The following EXOC6B variants were observed in gnomAD, a reference collection of about 807,000 sequenced individuals.
The protein encoded by EXOC6B is SEC15 homolog B.
Under a neutral mutation model 113.5 loss-of-function variants are expected in EXOC6B, and 54 were observed. That is an observed-to-expected ratio of 0.48 (90% CI 0.38 to 0.60). The LOEUF is 0.60. Ranked by LOEUF, EXOC6B falls within the 20% of genes least tolerant of loss-of-function variation. The pLI is 0.00. For synonymous variants in EXOC6B, 357 were observed against 339.0 expected (o/e 1.05, Z -0.58); for missense variants, 797 against 977.5 (o/e 0.82, Z 2.46).
In EXOC6B at chr2:72,480,548, A is replaced by G. The variant is rs572224204; in HGVS notation, c.1800+68T>C. The G allele has an allele frequency of 8.9e-6, 12 of 1,355,690 alleles. No individual in the cohort carries two copies. In the East Asian group the frequency reaches 3.2e-4, roughly 37 times the overall value. The allele number at this position is 1,355,690 out of a possible 1,614,324, so 84.0% of individuals were successfully genotyped here. A position where few individuals can be genotyped will look rare whatever the true frequency, so the allele number is the denominator to read the frequency against. ...TAAACCATCTTACAGAAACAAGGCC[A>G]TGTTAGGTAGAACGTCCCAGACTGT... On this transcript the variant is annotated intron_variant, in intron 17 of 21. Transcript: ENST00000272427.
intron 2 of EXOC6B, among the ~76,000 whole-genome samples, chr2:72,738,043 C>T (rs540264475): frequency 6.6e-6 from 1 of 151,922 alleles, no homozygotes; most frequent in Non-Finnish European, 1.5e-5. Context: ...TAAAACAAGT[C>T]TCATGTTCCC....
intron 19 of EXOC6B, among the ~76,000 whole-genome samples, chr2:72,376,559 T>C (rs1001514922): frequency 3.9e-5 from 6 of 152,162 alleles, no homozygotes; most frequent in African/African-American, 1.4e-4. Flanking sequence ...TTTGTATTTA[T>C]CTTGATAAAG....
At chr2:72,459,998 C>G (rs994555343) in intron 18 of EXOC6B, among the ~76,000 whole-genome samples, 1 of 152,074 alleles carries the variant, frequency 6.6e-6, no homozygotes, top group South Asian at 2.1e-4. Flanking sequence ...GTACTGGTAC[C>G]AAAACAGAGA....
chr2:72,579,205 T>C lies in EXOC6B; in HGVS notation c.670-3537A>G, dbSNP rs1705052373. 2.6e-5 allele frequency among the ~76,000 whole-genome samples: 4 copies of C among 152,278 alleles called. No individual in the cohort carries two copies. The South Asian group carries it at 8.3e-4, about 32-fold the overall frequency. The stretch of plus-strand genomic sequence containing the variant: ...GAAATAAGAATAACTACAAGTATTC[T>C]GGCCGTGATGACTAAACAGTGGGGC... On this transcript the variant is annotated intron_variant, in intron 6 of 21. Coordinates refer to ENST00000272427, the MANE Select transcript of EXOC6B (RefSeq NM_015189.3).
intron 18 of EXOC6B, among the ~76,000 whole-genome samples, chr2:72,425,663 G>C (rs1442469582): frequency 6.6e-6 from 1 of 151,948 alleles, no homozygotes; most frequent in East Asian, 1.9e-4. Flanking sequence ...AAGAATTCCA[G>C]TATTACATCC....
intron 7 of EXOC6B, among the ~76,000 whole-genome samples, chr2:72,574,660 A>G (rs1704723728): frequency 6.6e-6 from 1 of 152,220 alleles, no homozygotes. Flanking sequence ...GCCATTTTAA[A>G]AGTAAATGAT....
At position 72,825,868 on chromosome 2, in the gene EXOC6B, C is replaced by A; in HGVS notation, c.43G>T (p.Ala15Ser). 2 of 1,613,576 alleles carry A rather than the reference C, an allele frequency of 1.2e-6. No individual in the cohort carries two copies. Among genetic ancestry groups the A allele is most frequent in the Non-Finnish European group, 1.7e-6 (2 of 1,179,736 alleles). ...KMAEAESLET[A>S]AEHERILREI... ...CGCAGGATCCGCTCGTGCTCTGCCGCTGTCTCCAGGCTCTCCGCCTCCGCC... is the reference window on the plus strand; with the variant it reads ...CGCAGGATCCGCTCGTGCTCTGCCGATGTCTCCAGGCTCTCCGCCTCCGCC... Residue 15 changes from alanine (A) to serine (S), a missense_variant, in exon 1 of 22, where the codon GCG becomes TCG. Transcript: ENST00000272427. This position sits in a 1 kb window ranked among gnomAD's most constrained non-coding sequence, Gnocchi z 4.4.
intron 1 of EXOC6B, among the ~76,000 whole-genome samples, chr2:72,812,274 C>A (rs1235371269): frequency 1.3e-5 from 2 of 152,110 alleles, no homozygotes; most frequent in Non-Finnish European, 2.9e-5. Context: ...AATACAATAA[C>A]ATTTAAAATC....
At chr2:72,466,651 T>G (rs565842808) in intron 17 of EXOC6B, among the ~76,000 whole-genome samples, 1 of 152,274 alleles carries the variant, frequency 6.6e-6, no homozygotes, top group South Asian at 2.1e-4. Flanking sequence ...TTTATAAAAT[T>G]TGATTGATAA....
chr2:72,322,276 G>T (rs1348391030), intron 20 of EXOC6B, among the ~76,000 whole-genome samples: 1 of 152,090 alleles, frequency 6.6e-6, no homozygotes, highest in East Asian at 1.9e-4. Context: ...CAACACCATG[G>T]ATGAATCTCA....
chr2:72,222,925 G>A (rs1191523072), intron 20 of EXOC6B, among the ~76,000 whole-genome samples: 1 of 152,186 alleles, frequency 6.6e-6, no homozygotes, highest in Non-Finnish European at 1.5e-5. Flanking sequence ...GTACTTTTAT[G>A]TAAGGGTTTG....
At chr2:72,782,404 T>C (rs1265067536) in intron 1 of EXOC6B, among the ~76,000 whole-genome samples, 2 of 152,166 alleles carry the variant, frequency 1.3e-5, no homozygotes, top group Non-Finnish European at 2.9e-5. Context: ...ATTTTATTGA[T>C]ACAAAATTTA....
intron 16 of EXOC6B, among the ~76,000 whole-genome samples, chr2:72,489,309 T>G (rs146035444): frequency 1.8e-4 from 28 of 152,226 alleles, no homozygotes; most frequent in Non-Finnish European, 3.5e-4. Context: ...TATTGTTCAC[T>G]GATTTATCTT....
Position 72,301,241 on chromosome 2 carries a change from G to A in EXOC6B, c.2196+33706C>T, listed in dbSNP as rs187449364. ...CTTTTTGATTGTGCTGCTGAATTTG[G>A]TTTGCAAGTATTTTGCTGAGGATTT... On this transcript the variant is annotated intron_variant, in intron 20 of 21. Transcript: ENST00000272427. 2.6e-5 allele frequency among the ~76,000 whole-genome samples: 4 copies of A among 152,256 alleles called. No homozygotes were observed. In the East Asian group the frequency reaches 5.8e-4, roughly 22 times the overall value.
rs1412562587 is a variant in EXOC6B, at chr2:72,741,445, AT to A, written c.137del (p.His46LeufsTer34). The A allele has an allele frequency of 6.2e-7, 1 of 1,613,582 alleles. No individual in the cohort carries two copies. The highest frequency in any genetic ancestry group is 2.2e-5 in the East Asian group (1 of 44,840). Reference protein sequence around the residue: ...TLRSVYDGEEHGRFMEKLETR... With the variant: ...TLRSVYDGEEXGRFMEKLETR... ...TTTCAAGCTTCTCCATGAAACGTCC[AT>A]GTTCTTCACCATCATAAACAGACCT... On this transcript the variant is annotated frameshift_variant, in exon 2 of 22. Transcript: ENST00000272427. LOFTEE classifies it high-confidence loss of function.
At chr2:72,602,824 T>G (rs981012802) in intron 6 of EXOC6B, among the ~76,000 whole-genome samples, 2 of 152,082 alleles carry the variant, frequency 1.3e-5, no homozygotes, top group African/African-American at 4.8e-5. Flanking sequence ...AATTAAGCAT[T>G]CCTCCTCCCC....
chr2:72,482,436 T>G (rs1281480366), intron 16 of EXOC6B, among the ~76,000 whole-genome samples: 1 of 151,810 alleles, frequency 6.6e-6, no homozygotes, highest in Non-Finnish European at 1.5e-5. Context: ...GCGGGGAGTT[T>G]TGGTGTGTAA....
chr2:72,780,166 A>T (rs369856687), intron 1 of EXOC6B, among the ~76,000 whole-genome samples: 122 of 152,348 alleles, frequency 8.0e-4, no homozygotes, highest in African/African-American at 2.8e-3. Context: ...TATGCTGCTT[A>T]TATCTTTTTA....
At chr2:72,253,369 C>A (rs968076334) in intron 20 of EXOC6B, among the ~76,000 whole-genome samples, 9 of 152,214 alleles carry the variant, frequency 5.9e-5, no homozygotes, top group African/African-American at 2.2e-4. Flanking sequence ...GAATGAAAAT[C>A]ATTCTACCAT....
Sources: gnomAD v4.1 joint callset for allele counts (sites outside exome capture counted in the v4.1 genomes callset) on GRCh38, gnomAD v4.1.1 for gene constraint, Gnocchi (gnomAD v3.1) non-coding constraint, MANE v1.5 for transcripts, NCBI Gene and HGNC (gene_info 2026-07-23, HGNC 2026-07-21) for gene names.